Variants in ZNF331 observed in about 807,000 individuals in gnomAD.
The protein encoded by ZNF331 is C2H2-like zinc finger protein rearranged in thyroid adenomas.
ZNF331 carries 2 observed loss-of-function variants against 7.0 expected under a neutral mutation model. The observed-to-expected ratio is 0.29, with a 90% CI of 0.12 to 0.90. The LOEUF is 0.90. Among genes scored for constraint, ZNF331 ranks in the 40% least tolerant of loss-of-function variants. ZNF331 has a pLI of 0.58. For missense variants in ZNF331, 432 were observed against 587.7 expected, an observed-to-expected ratio of 0.74 and a Z score of 2.74; for synonymous variants, 196 against 205.4, an observed-to-expected ratio of 0.95 and a Z score of 0.39.
In ZNF331 at chr19:53,571,681, C is replaced by T; in HGVS notation, c.87C>T (p.Asp29=). 6.2e-7 allele frequency: 1 copy of T among 1,613,996 alleles called. No individual in the cohort carries two copies. Among genetic ancestry groups the T allele is most frequent in the Non-Finnish European group, 8.5e-7 (1 of 1,179,962 alleles). Residue 29 remains aspartate (D), a synonymous_variant, in exon 5 of 6, where the codon GAC becomes GAT. Coordinates refer to ENST00000449416, the MANE Select transcript of ZNF331 (RefSeq NM_001079906.2). This position sits in a 1 kb window ranked among gnomAD's most constrained non-coding sequence, Gnocchi z 4.7. ...CCTGTCTGAACTCTGCTCAGAGGGA[C>T]CTGTACTGGGACGTGATGCTGGAGA... The part of the protein sequence containing the change: ...EWACLNSAQR[D]LYWDVMLENY...
Position 53,579,674 on chromosome 19 carries a change from C to T in ZNF331, c.*1722C>T, listed in dbSNP as rs1035733715. On this transcript the variant is annotated 3_prime_UTR_variant, in exon 6 of 6. Transcript: ENST00000449416. ...GACCATTGAGTCTTCTAGAAGAAAA[C>T]ATTAAGAGATTATTGGCACAGCCGT... 4 of 199,632 alleles carry T rather than the reference C, an allele frequency of 2.0e-5. No individual in the cohort carries two copies. Among genetic ancestry groups the T allele is most frequent in the Non-Finnish European group, 3.1e-5 (3 of 96,738 alleles). 12.4% of individuals were successfully genotyped at this position (199,632 alleles called of 1,614,324 possible).
Position 53,569,400 on chromosome 19 carries a change from C to T in ZNF331, c.9+15C>T, listed in dbSNP as rs1200682037. On this transcript the variant is annotated intron_variant, in intron 4 of 5. Coordinates refer to ENST00000449416, the MANE Select transcript of ZNF331 (RefSeq NM_001079906.2). ...CAATGGCCCAGGTAAGTGTATATTT[C>T]TCTTTCCTTCTTGAGCTATGATATT... is the stretch of plus-strand genomic sequence containing the variant. The T allele has an allele frequency of 6.2e-7, 1 of 1,613,586 alleles. No homozygotes were observed. The highest frequency in any genetic ancestry group is 8.5e-7 in the Non-Finnish European group (1 of 1,179,788).
chr19:53,575,067 G>T (rs977972040), intron 5 of ZNF331, among the ~76,000 whole-genome samples: 1 of 150,888 alleles, frequency 6.6e-6, no homozygotes, highest in South Asian at 2.1e-4. Context: ...CTCCCAAGTA[G>T]CTGGGACTAT....
At chr19:53,519,371 CA>C (rs2086984395), upstream of ZNF331, among the ~76,000 whole-genome samples, 2 of 152,234 alleles carry the variant, frequency 1.3e-5, no homozygotes, top group Admixed American at 1.3e-4. Context: ...CAAAGTGAAA[CA>C]TTTCACAGGG....
intron 2 of ZNF331, among the ~76,000 whole-genome samples, chr19:53,544,088 G>T (rs1233113886): frequency 6.6e-6 from 1 of 150,906 alleles, no homozygotes; most frequent in Non-Finnish European, 1.5e-5. Context: ...TTGGCTGGGC[G>T]TGGTGGCATG....
chr19:53,565,674 GCAC>G (rs917378090), intron 3 of ZNF331, among the ~76,000 whole-genome samples: 11 of 151,598 alleles, frequency 7.3e-5, no homozygotes, highest in Admixed American at 5.3e-4. Flanking sequence ...TTACAGGCAC[GCAC>G]CACCACACCT....
At chr19:53,561,921 G>A (rs987425641) in intron 3 of ZNF331, among the ~76,000 whole-genome samples, 1 of 152,280 alleles carries the variant, frequency 6.6e-6, no homozygotes, top group African/African-American at 2.4e-5. Context: ...GCTGAGGCAG[G>A]TAGATCACCT....
intron 3 of ZNF331, among the ~76,000 whole-genome samples, chr19:53,565,860 C>A (rs1025236617): frequency 3.1e-4 from 47 of 152,140 alleles, no homozygotes; most frequent in African/African-American, 1.1e-3. Flanking sequence ...AAGAAACCTT[C>A]TTTGTCTTTG....
At chr19:53,511,347 G>A in the ZNF331 span, among the ~76,000 whole-genome samples, 1 of 151,746 alleles carries the variant, frequency 6.6e-6, no homozygotes, top group Non-Finnish European at 1.5e-5. Flanking sequence ...TTGCATTATC[G>A]CAGTGTAAAA....
the ZNF331 span, among the ~76,000 whole-genome samples, chr19:53,506,400 A>T: frequency 1.1e-3 from 121 of 105,508 alleles, no homozygotes; most frequent in Non-Finnish European, 1.9e-3. Flanking sequence ...CCACATACAC[A>T]CTCTCTCTCT....
chr19:53,575,314 A>T (rs12976258), intron 5 of ZNF331, among the ~76,000 whole-genome samples: 39,127 of 151,860 alleles, frequency 0.26, 5,188 homozygotes, highest in Middle Eastern at 0.28. Flanking sequence ...TTGTAGTATC[A>T]TTATGAACTT....
chr19:53,544,377 C>G (rs2088432744), intron 2 of ZNF331, among the ~76,000 whole-genome samples: 1 of 150,052 alleles, frequency 6.7e-6, no homozygotes, highest in African/African-American at 2.4e-5. Context: ...AACCCCATCT[C>G]TACTAAAAAT....
At chr19:53,524,798 G>A (rs538570476) in intron 2 of ZNF331, among the ~76,000 whole-genome samples, 29 of 152,220 alleles carry the variant, frequency 1.9e-4, no homozygotes, top group African/African-American at 7.0e-4. Flanking sequence ...TTTGGCTTTT[G>A]GTGCCATTGC....
rs918162573 is a variant in ZNF331, at chr19:53,539,777, C to T, written c.-138+495C>T. On this transcript the variant is annotated intron_variant, in intron 2 of 5. Transcript: ENST00000449416. The surrounding 1 kb of genome is among the most constrained non-coding windows in gnomAD (Gnocchi z 6.1). ...ATGGCATTAAGAAGGATGGACATGC[C>T]CCAAAGACATTTAGACCCATTGGTC... Among the ~76,000 whole-genome samples the T allele has an allele frequency of 5.9e-5, 9 of 152,092 alleles. No individual in the cohort carries two copies. Among genetic ancestry groups the T allele is most frequent in the Non-Finnish European group, 1.0e-4 (7 of 68,022 alleles).
intron 2 of ZNF331, among the ~76,000 whole-genome samples, chr19:53,527,399 T>G (rs929707382): frequency 6.6e-6 from 1 of 152,146 alleles, no homozygotes; most frequent in African/African-American, 2.4e-5. Flanking sequence ...AAGGGAAATT[T>G]CAGTTGTAGA....
chr19:53,529,401 TAAAA>T (rs61435436), intron 2 of ZNF331, among the ~76,000 whole-genome samples: 2 of 144,984 alleles, frequency 1.4e-5, no homozygotes, highest in Non-Finnish European at 3.0e-5. Context: ...CTCTGTCTTT[TAAAA>T]AAAAAAAAAA....
intron 2 of ZNF331, among the ~76,000 whole-genome samples, chr19:53,546,193 G>A (rs551566736): frequency 3.4e-5 from 5 of 148,704 alleles, no homozygotes; most frequent in African/African-American, 9.8e-5. Flanking sequence ...AAGTAATTGC[G>A]GTTTTTGCCA....
intron 4 of ZNF331, among the ~76,000 whole-genome samples, chr19:53,570,629 T>C (rs529495620): frequency 1.2e-4 from 18 of 149,602 alleles, no homozygotes; most frequent in Admixed American, 1.1e-3. Flanking sequence ...GCCTCGCGGG[T>C]TCAAGTAATT....
rs1390958176 is a variant in ZNF331 at position 53,571,835 on chromosome 19, T to C, written c.136+105T>C. ...AGAAACTAGTTGAATTTCTTCTTCC[T>C]GTCCCCAAGGAATGTATTGAGCCTT... On this transcript the variant is annotated intron_variant, in intron 5 of 5. Coordinates refer to ENST00000449416, the MANE Select transcript of ZNF331 (RefSeq NM_001079906.2). The surrounding 1 kb of genome is among the most constrained non-coding windows in gnomAD (Gnocchi z 4.7). The C allele has an allele frequency of 8.4e-6, 12 of 1,435,220 alleles. No individual in the cohort carries two copies. The highest frequency in any genetic ancestry group is 7.1e-5 in the African/African-American group (5 of 70,362). The allele number at this position is 1,435,220 out of a possible 1,614,324, so 88.9% of individuals were successfully genotyped here.
Sources: gnomAD v4.1 joint callset for allele counts (sites outside exome capture counted in the v4.1 genomes callset) on GRCh38, gnomAD v4.1.1 for gene constraint, Gnocchi (gnomAD v3.1) non-coding constraint, MANE v1.5 for transcripts, NCBI Gene and HGNC (gene_info 2026-07-23, HGNC 2026-07-21) for gene names.